The following FGF10 variants were observed in gnomAD, a reference collection of about 807,000 sequenced individuals.
FGF10 encodes fibroblast growth factor 10.
A neutral mutation model predicts 19.8 loss-of-function variants in FGF10; 2 were observed. The ratio of observed to expected loss-of-function variants is 0.10; its 90% CI spans 0.04 to 0.32. FGF10 has a LOEUF of 0.32. Ranked by LOEUF, FGF10 falls within the 10% of genes least tolerant of loss-of-function variation. FGF10 has a pLI of 1.00. For synonymous variants in FGF10, 112 were observed against 94.0 expected, an observed-to-expected ratio of 1.19 and a Z score of -1.10; for missense variants, 191 against 246.3, an observed-to-expected ratio of 0.78 and a Z score of 1.50.
chr5:44,353,425 C>T lies in FGF10; in HGVS notation c.325+34933G>A, dbSNP rs185867860. 1.8e-3 allele frequency among the ~76,000 whole-genome samples: 276 copies of T among 151,590 alleles called. 1 individual carries two copies. Among genetic ancestry groups the T allele is most frequent in the African/African-American group, 6.4e-3 (266 of 41,432 alleles). On this transcript the variant is annotated intron_variant, in intron 1 of 2. Transcript: ENST00000264664. Reference sequence around the variant, plus strand: ...TTATAGCAATCTCCAGTACAGTTTCCAATAAAACTGTTGTAACTAAACCCT... The same window carrying T: ...TTATAGCAATCTCCAGTACAGTTTCTAATAAAACTGTTGTAACTAAACCCT...
intron 1 of FGF10, among the ~76,000 whole-genome samples, chr5:44,347,670 C>T (rs961767804): frequency 3.3e-5 from 5 of 151,588 alleles, no homozygotes; most frequent in African/African-American, 7.3e-5. Flanking sequence ...TACAGGACAG[C>T]ATGGACTGAC....
chr5:44,349,608 A>T (rs1377305880), intron 1 of FGF10, among the ~76,000 whole-genome samples: 1 of 148,666 alleles, frequency 6.7e-6, no homozygotes, highest in South Asian at 2.1e-4. Flanking sequence ...TGTACATGAC[A>T]TATCAGTTTG....
At chr5:44,382,809 A>C (rs959161260) in intron 1 of FGF10, among the ~76,000 whole-genome samples, 5 of 152,168 alleles carry the variant, frequency 3.3e-5, no homozygotes, top group Admixed American at 2.6e-4. Flanking sequence ...CTGTAAAATA[A>C]AATAGATTTA....
intron 1 of FGF10, among the ~76,000 whole-genome samples, chr5:44,381,207 A>G (rs767515525): frequency 3.3e-5 from 5 of 152,198 alleles, no homozygotes; most frequent in Non-Finnish European, 5.9e-5. Flanking sequence ...AGAGCTTAAA[A>G]GAAATTGACC....
chr5:44,314,756 C>T (rs1740296932), intron 1 of FGF10, among the ~76,000 whole-genome samples: 2 of 152,278 alleles, frequency 1.3e-5, no homozygotes, highest in South Asian at 4.1e-4. Context: ...AGAAGAGGAG[C>T]ATCTGACCTA....
At chr5:44,344,744 T>C (rs190452156) in intron 1 of FGF10, among the ~76,000 whole-genome samples, 67 of 151,884 alleles carry the variant, frequency 4.4e-4, no homozygotes, top group Admixed American at 2.2e-3. Context: ...TTCAGCATTG[T>C]TATGATTTTA....
intron 1 of FGF10, among the ~76,000 whole-genome samples, chr5:44,337,802 G>A (rs374888493): frequency 2.4e-4 from 37 of 152,236 alleles, no homozygotes; most frequent in East Asian, 2.3e-3. Context: ...TTAGCCAGGC[G>A]TAGTGGCATG....
chr5:44,377,697 T>G (rs1741896581), intron 1 of FGF10, among the ~76,000 whole-genome samples: 1 of 152,234 alleles, frequency 6.6e-6, no homozygotes, highest in South Asian at 2.1e-4. Context: ...TCTGAAATGC[T>G]TGGGATCAGA....
At chr5:44,361,292 G>A (rs963036161) in intron 1 of FGF10, among the ~76,000 whole-genome samples, 2 of 151,678 alleles carry the variant, frequency 1.3e-5, no homozygotes, top group African/African-American at 4.8e-5. Flanking sequence ...ACATTTTTAA[G>A]CTGGAGAAAT....
At chr5:44,371,191 A>T (rs947749196) in intron 1 of FGF10, among the ~76,000 whole-genome samples, 3 of 152,074 alleles carry the variant, frequency 2.0e-5, no homozygotes, top group African/African-American at 7.2e-5. Flanking sequence ...TGGGAGTAGA[A>T]CTGGCGGCTT....
intron 1 of FGF10, among the ~76,000 whole-genome samples, chr5:44,336,508 T>C (rs1377273342): frequency 6.6e-6 from 1 of 152,090 alleles, no homozygotes; most frequent in Admixed American, 6.6e-5. Flanking sequence ...CACACCCTCC[T>C]CCTCCGGGGA....
chr5:44,355,711 C>T (rs187962588), intron 1 of FGF10, among the ~76,000 whole-genome samples: 2 of 151,350 alleles, frequency 1.3e-5, no homozygotes, highest in Non-Finnish European at 3.0e-5. Flanking sequence ...TACAATGCAG[C>T]GTGGAAGAGA....
intron 1 of FGF10, among the ~76,000 whole-genome samples, chr5:44,319,093 C>T (rs1740421719): frequency 6.6e-6 from 1 of 152,140 alleles, no homozygotes; most frequent in African/African-American, 2.4e-5. Context: ...TAGTCTACCT[C>T]ACCATGAGGC....
chr5:44,315,011 T>C (rs983248874), intron 1 of FGF10, among the ~76,000 whole-genome samples: 1 of 152,102 alleles, frequency 6.6e-6, no homozygotes, highest in African/African-American at 2.4e-5. Context: ...AAATATACAA[T>C]GGAATTCTAT....
intron 1 of FGF10, among the ~76,000 whole-genome samples, chr5:44,382,230 G>C (rs1742001059): frequency 6.6e-6 from 1 of 152,102 alleles, no homozygotes; most frequent in Non-Finnish European, 1.5e-5. Context: ...TGTCTTCTTT[G>C]ATGTATTGTG....
Position 44,388,874 on chromosome 5 carries a change from C to G in FGF10, c.-192G>C. On this transcript the variant is annotated 5_prime_UTR_variant, in exon 1 of 3. Coordinates refer to ENST00000264664, the MANE Select transcript of FGF10 (RefSeq NM_004465.2). Reference sequence around the variant, plus strand: ...GAAAAGCCGGCTGACTCCCCTCGCTCCTTTCTCGGATCCGCTGCCTACGCC... The same window carrying G: ...GAAAAGCCGGCTGACTCCCCTCGCTGCTTTCTCGGATCCGCTGCCTACGCC... 1 of 658,824 alleles carries G rather than the reference C, an allele frequency of 1.5e-6. No homozygotes were observed. The highest frequency in any genetic ancestry group is 2.8e-6 in the Non-Finnish European group (1 of 362,400). 40.8% of individuals were successfully genotyped at this position (658,824 alleles called of 1,614,324 possible).
chr5:44,386,585 T>C (rs1391744851), intron 1 of FGF10, among the ~76,000 whole-genome samples: 1 of 152,178 alleles, frequency 6.6e-6, no homozygotes, highest in Non-Finnish European at 1.5e-5. Flanking sequence ...TTAAAGGTTA[T>C]ATACATAGGA....
At chr5:44,307,825 A>G (rs1477828833) in intron 2 of FGF10, among the ~76,000 whole-genome samples, 1 of 152,172 alleles carries the variant, frequency 6.6e-6, no homozygotes. Flanking sequence ...ACAAACCATA[A>G]TTTTTCATTA....
intron 1 of FGF10, among the ~76,000 whole-genome samples, chr5:44,388,004 T>A (rs1001346027): frequency 6.6e-6 from 1 of 151,834 alleles, no homozygotes; most frequent in Non-Finnish European, 1.5e-5. Context: ...GAAGGAAAAA[T>A]TGCTCTTTGG....
Sources: gnomAD v4.1 joint callset for allele counts (sites outside exome capture counted in the v4.1 genomes callset) on GRCh38, gnomAD v4.1.1 for gene constraint, MANE v1.5 for transcripts, NCBI Gene and HGNC (gene_info 2026-07-23, HGNC 2026-07-21) for gene names.